Variants in SPCS2 observed in about 807,000 individuals in gnomAD.
The protein encoded by SPCS2 is signal peptidase complex subunit 2.
A neutral mutation model predicts 22.3 loss-of-function variants in SPCS2; 3 were observed. The observed-to-expected ratio is 0.13, with a 90% CI of 0.06 to 0.35. The LOEUF (loss-of-function observed/expected upper bound fraction) is 0.35, where lower values mean the gene tolerates loss of function less well. Among genes scored for constraint, SPCS2 ranks in the 10% least tolerant of loss-of-function variants. The probability of loss-of-function intolerance (pLI) is 1.00; values close to 1 mark genes in which losing one functional copy is unlikely to be tolerated. For synonymous variants in SPCS2, 67 were observed against 97.2 expected, an observed-to-expected ratio of 0.69 and a Z score of 1.83; for missense variants, 169 against 280.9, an observed-to-expected ratio of 0.60 and a Z score of 2.85.
chr11:74,975,499 T>G (rs967736138), intron 4 of SPCS2, among the ~76,000 whole-genome samples: 6 of 152,230 alleles, frequency 3.9e-5, no homozygotes, highest in African/African-American at 1.4e-4. Context: ...TCTGAATTAA[T>G]GAACATTTCT....
chr11:74,972,428 ATTT>A (rs1948589966), intron 4 of SPCS2, among the ~76,000 whole-genome samples: 1 of 152,164 alleles, frequency 6.6e-6, no homozygotes, highest in African/African-American at 2.4e-5. Flanking sequence ...AGCTATAATT[ATTT>A]AATATCTGTG....
chr11:74,970,816 CA>C (rs1278292757), intron 4 of SPCS2, among the ~76,000 whole-genome samples: 1 of 152,178 alleles, frequency 6.6e-6, no homozygotes, highest in African/African-American at 2.4e-5. Flanking sequence ...ATTATAATTT[CA>C]TTATTTTTAT....
At position 74,976,833 on chromosome 11, in the gene SPCS2, T is replaced by C. The variant is rs1377247102; in HGVS notation, c.495-24T>C. The C allele has an allele frequency of 3.1e-6, 5 of 1,613,280 alleles. No individual in the cohort carries two copies. The Admixed American group carries it at 8.3e-5, about 27-fold the overall frequency. ...GAATCTCTGTGTTTGGTTTTTAATT[T>C]GTTATCTTTGCCCCCATGCTTAGGT... On this transcript the variant is annotated intron_variant, in intron 4 of 4. Coordinates refer to ENST00000263672, the MANE Select transcript of SPCS2 (RefSeq NM_014752.3).
intron 4 of SPCS2, among the ~76,000 whole-genome samples, chr11:74,975,023 T>C (rs899663454): frequency 6.6e-6 from 1 of 152,134 alleles, no homozygotes; most frequent in African/African-American, 2.4e-5. Flanking sequence ...ATCAACTCAG[T>C]CTTTTGCTCA....
At chr11:74,949,473 G>A (rs1948299036) in intron 1 of SPCS2, 74 bp downstream of exon 1, 1 of 1,307,540 alleles carries the variant, frequency 7.6e-7, no homozygotes, top group Non-Finnish European at 1.1e-6. Flanking sequence ...TTCCCATCCC[G>A]GTCTCCCTTA....
chr11:74,968,164 T>C (rs1321248328), intron 3 of SPCS2: 1 of 152,216 alleles, frequency 6.6e-6, no homozygotes, highest in Non-Finnish European at 1.5e-5. Context: ...TTCCTGTTCA[T>C]GAAATTTATC....
chr11:74,963,171 CT>C (rs1245277281), intron 1 of SPCS2, among the ~76,000 whole-genome samples: 1 of 152,148 alleles, frequency 6.6e-6, no homozygotes, highest in African/African-American at 2.4e-5. Flanking sequence ...AGCTATCTAG[CT>C]AGAAAACCTG....
At chr11:74,964,507 T>C (rs2140217825) in intron 1 of SPCS2, among the ~76,000 whole-genome samples, 1 of 152,326 alleles carries the variant, frequency 6.6e-6, no homozygotes, top group South Asian at 2.1e-4. Flanking sequence ...ATAATAAAAG[T>C]TGTTAGCTGA....
At position 74,949,414 on chromosome 11, in the gene SPCS2, C is replaced by T. The variant is rs1170222186; in HGVS notation, c.114+15C>T. ...TGTTGGATAAGGTGAGGAGCCGGTTCTTGGGAACAGTTGAATCCTGGGGAG... is the reference window on the plus strand; with the variant it reads ...TGTTGGATAAGGTGAGGAGCCGGTTTTTGGGAACAGTTGAATCCTGGGGAG... On this transcript the variant is annotated intron_variant, in intron 1 of 4. Transcript: ENST00000263672. 1 of 1,548,798 alleles carries T rather than the reference C, an allele frequency of 6.5e-7. No individual in the cohort carries two copies. Among genetic ancestry groups the T allele is most frequent in the Non-Finnish European group, 8.7e-7 (1 of 1,144,662 alleles).
At chr11:74,970,191 T>G (rs1948576386) in intron 4 of SPCS2, among the ~76,000 whole-genome samples, 1 of 152,342 alleles carries the variant, frequency 6.6e-6, no homozygotes, top group South Asian at 2.1e-4. Flanking sequence ...AGAACTAGGT[T>G]CATGTTCCAA....
rs745651665 is a variant in SPCS2, at chr11:74,949,280, G to C, written c.-6G>C. The C allele has an allele frequency of 6.5e-7, 1 of 1,536,920 alleles. No individual in the cohort carries two copies. The highest frequency in any genetic ancestry group is 8.8e-7 in the Non-Finnish European group (1 of 1,141,414). On this transcript the variant is annotated 5_prime_UTR_variant, in exon 1 of 5. Coordinates refer to ENST00000263672, the MANE Select transcript of SPCS2 (RefSeq NM_014752.3). ...CGGAGGGGAGGGAGACGCAGAGGCG[G>C]ACAAGATGGCGGCGGCAGCTGTACA...
intron 4 of SPCS2, among the ~76,000 whole-genome samples, chr11:74,970,761 A>G (rs1056754528): frequency 3.1e-4 from 47 of 152,246 alleles, no homozygotes; most frequent in Middle Eastern, 3.4e-3. Context: ...TGCATCCTCT[A>G]CCAGGCCACT....
At chr11:74,958,945 G>A (rs1217326204) in intron 1 of SPCS2, among the ~76,000 whole-genome samples, 4 of 151,954 alleles carry the variant, frequency 2.6e-5, no homozygotes, top group Non-Finnish European at 4.4e-5. Flanking sequence ...AAATTTGATT[G>A]TTATTCCCAT....
intron 3 of SPCS2, among the ~76,000 whole-genome samples, chr11:74,966,927 A>T (rs1948549659): frequency 6.6e-6 from 1 of 152,054 alleles, no homozygotes; most frequent in African/African-American, 2.4e-5. Context: ...CCTAATTTTT[A>T]AATTTTTTAC....
intron 1 of SPCS2, among the ~76,000 whole-genome samples, chr11:74,951,810 C>CAAA (rs61038317): frequency 2.5e-5 from 2 of 81,358 alleles, no homozygotes; most frequent in Non-Finnish European, 4.7e-5. Context: ...AACTCTGTCT[C>CAAA]AAAAAAAAAA....
rs1414369600 is a variant in SPCS2, at chr11:74,951,765, A to G, written c.114+2366A>G. On this transcript the variant is annotated intron_variant, in intron 1 of 4. Transcript: ENST00000263672. ...GTGGAGGTTGCAGTGAGCCGAGATC[A>G]CGCCATTGCAGTCCAGCCTGGGCAA... is the stretch of plus-strand genomic sequence containing the variant. 8.5e-5 allele frequency among the ~76,000 whole-genome samples: 12 copies of G among 140,536 alleles called. No homozygotes were observed. The Admixed American group carries it at 9.2e-4, about 11-fold the overall frequency. The allele number at this position is 140,536 out of a possible 152,430, so 92.2% of individuals were successfully genotyped here.
At chr11:74,975,309 C>G (rs1948608813) in intron 4 of SPCS2, among the ~76,000 whole-genome samples, 1 of 152,154 alleles carries the variant, frequency 6.6e-6, no homozygotes, top group Non-Finnish European at 1.5e-5. Context: ...GCTCAGACAT[C>G]TGCTTAGTGA....
intron 1 of SPCS2, among the ~76,000 whole-genome samples, chr11:74,952,760 A>G (rs1948454373): frequency 6.6e-6 from 1 of 152,224 alleles, no homozygotes; most frequent in Non-Finnish European, 1.5e-5. Flanking sequence ...AGTGCTTGGA[A>G]GATTTAACCA....
At chr11:74,975,022 G>T (rs1218921401) in intron 4 of SPCS2, among the ~76,000 whole-genome samples, 3 of 152,088 alleles carry the variant, frequency 2.0e-5, no homozygotes, top group African/African-American at 7.2e-5. Flanking sequence ...GATCAACTCA[G>T]TCTTTTGCTC....
Sources: allele counts gnomAD v4.1 joint callset (sites outside exome capture counted in the v4.1 genomes callset), GRCh38; gene constraint gnomAD v4.1.1; transcripts MANE v1.5; gene names NCBI Gene and HGNC (gene_info 2026-07-23, HGNC 2026-07-21).